Variants in CTNNA3 observed in about 807,000 individuals in gnomAD.
CTNNA3 encodes catenin alpha 3, also known as catenin alpha-3.
A neutral mutation model predicts 95.7 loss-of-function variants in CTNNA3; 76 were observed. The ratio of observed to expected loss-of-function variants is 0.79; its 90% confidence interval spans 0.66 to 0.96. The LOEUF (loss-of-function observed/expected upper bound fraction) is 0.96, where lower values mean the gene tolerates loss of function less well. CTNNA3 is among the 40% of genes least tolerant of loss of function. The pLI is 0.00. For missense variants in CTNNA3, 1,191 were observed against 1,089.8 expected, an observed-to-expected ratio of 1.09 and a Z score of -1.31; for synonymous variants, 431 against 374.4, an observed-to-expected ratio of 1.15 and a Z score of -1.74.
At chr10:66,441,739 T>C (rs909199586) in intron 11 of CTNNA3, among the ~76,000 whole-genome samples, 5 of 152,370 alleles carry the variant, frequency 3.3e-5, no homozygotes, top group Admixed American at 2.6e-4. Context: ...GTGCAAATGT[T>C]CAATATACAT....
In CTNNA3 at chr10:67,568,462, T is replaced by A. The variant is rs537965578; in HGVS notation, c.293-28793A>T. 5.4e-5 allele frequency among the ~76,000 whole-genome samples: 7 copies of A among 129,594 alleles called. No individual in the cohort carries two copies. In the South Asian group the frequency reaches 8.0e-4, roughly 15 times the overall value. 85.0% of individuals were successfully genotyped at this position (129,594 alleles called of 152,430 possible). A position where few individuals can be genotyped will look rare whatever the true frequency, so the allele number is the denominator to read the frequency against. ...TTCTCCCTGATTGTTCCAGTATATA[T>A]ATATGTGTGTGTGTGTGTGTGTATA... is the stretch of plus-strand genomic sequence containing the variant. On this transcript the variant is annotated intron_variant, in intron 3 of 17. Coordinates refer to ENST00000433211, the MANE Select transcript of CTNNA3 (RefSeq NM_013266.4).
chr10:67,089,744 T>TGC (rs1360338830), intron 7 of CTNNA3, among the ~76,000 whole-genome samples: 79 of 151,250 alleles, frequency 5.2e-4, no homozygotes, highest in African/African-American at 1.9e-3. Flanking sequence ...TGTGTGTGTG[T>TGC]GTGTGTGTGG....
At chr10:65,968,894 C>T (rs776744461) in intron 16 of CTNNA3, among the ~76,000 whole-genome samples, 1 of 152,184 alleles carries the variant, frequency 6.6e-6, no homozygotes, top group African/African-American at 2.4e-5. Context: ...GGTGCTCATG[C>T]CTGCCCTTAG....
chr10:66,894,610 G>T (rs866704784), intron 7 of CTNNA3, among the ~76,000 whole-genome samples: 127 of 152,058 alleles, frequency 8.4e-4, no homozygotes, highest in African/African-American at 2.9e-3. Context: ...AAACATTTTA[G>T]TATAGGAGTC....
In CTNNA3 at chr10:66,072,829, T is replaced by C. The variant is rs189436866; in HGVS notation, c.1978-3340A>G. On this transcript the variant is annotated intron_variant, in intron 14 of 17. Coordinates refer to ENST00000433211, the MANE Select transcript of CTNNA3 (RefSeq NM_013266.4). ...TTCATTATCTTCTCCCTTAGCACACTCATCTACTTTCTTTTCTTTTTTACA... is the reference window on the plus strand; with the variant it reads ...TTCATTATCTTCTCCCTTAGCACACCCATCTACTTTCTTTTCTTTTTTACA... 1.1e-3 allele frequency among the ~76,000 whole-genome samples: 162 copies of C among 152,272 alleles called. 1 individual carries two copies. Among genetic ancestry groups the C allele is most frequent in the African/African-American group, 3.8e-3 (157 of 41,556 alleles).
intron 15 of CTNNA3, among the ~76,000 whole-genome samples, chr10:66,060,988 T>C (rs1468901995): frequency 6.6e-6 from 1 of 152,110 alleles, no homozygotes; most frequent in Admixed American, 6.6e-5. Context: ...AAATACTTGC[T>C]TTCCTCTAGA....
chr10:66,190,332 G>T (rs951564529), intron 13 of CTNNA3, among the ~76,000 whole-genome samples: 1 of 152,098 alleles, frequency 6.6e-6, no homozygotes. Flanking sequence ...TCTTCATCCA[G>T]GGGAACAGTA....
intron 12 of CTNNA3, among the ~76,000 whole-genome samples, chr10:66,365,461 A>G (rs2092704745): frequency 1.3e-5 from 2 of 152,102 alleles, no homozygotes; most frequent in Admixed American, 1.3e-4. Context: ...AGTGCAGCAA[A>G]CCACCAGGGC....
chr10:66,568,872 G>A lies in CTNNA3; in HGVS notation c.1375-48099C>T, dbSNP rs577557820. On this transcript the variant is annotated intron_variant, in intron 10 of 17. Transcript: ENST00000433211. ...GACAAAGGAAACCAACCTGGGAAGC[G>A]AAGTCTGCCAGGGCTGGCAGCAGAG... 4.6e-5 allele frequency among the ~76,000 whole-genome samples: 7 copies of A among 152,036 alleles called. No individual in the cohort carries two copies. In the South Asian group the frequency reaches 1.0e-3, roughly 23 times the overall value.
intron 3 of CTNNA3, among the ~76,000 whole-genome samples, chr10:67,586,432 T>C (rs1328828066): frequency 1.3e-5 from 2 of 152,192 alleles, no homozygotes. Context: ...AATATTACCA[T>C]ATTGCTGTCT....
intron 5 of CTNNA3, among the ~76,000 whole-genome samples, chr10:67,231,122 C>G (rs12247877): frequency 0.32 from 48,921 of 152,156 alleles, 11,456 homozygotes; most frequent in African/African-American, 0.66. Context: ...TTGCCCAGGC[C>G]TGCTTAGGTA....
chr10:66,110,173 C>T (rs1474313804), intron 13 of CTNNA3, among the ~76,000 whole-genome samples: 2 of 151,682 alleles, frequency 1.3e-5, no homozygotes, highest in Non-Finnish European at 2.9e-5. Context: ...CCAGCCTGGC[C>T]AACATGGTGA....
intron 7 of CTNNA3, among the ~76,000 whole-genome samples, chr10:66,904,024 A>G (rs1845874714): frequency 6.6e-6 from 1 of 152,326 alleles, no homozygotes; most frequent in South Asian, 2.1e-4. Flanking sequence ...ATTGGAAAAA[A>G]CTACTGTAAA....
At chr10:67,335,276 C>A (rs1841955907) in intron 5 of CTNNA3, among the ~76,000 whole-genome samples, 1 of 152,174 alleles carries the variant, frequency 6.6e-6, no homozygotes, top group South Asian at 2.1e-4. Context: ...CTGTCAAGGG[C>A]TGGTTCCTGC....
At chr10:66,932,745 C>A (rs1274261939) in intron 7 of CTNNA3, among the ~76,000 whole-genome samples, 2 of 152,104 alleles carry the variant, frequency 1.3e-5, no homozygotes, top group Non-Finnish European at 2.9e-5. Flanking sequence ...CTTTCCTAAT[C>A]ATAATAGCCT....
At chr10:66,748,903 T>C (rs1839000395) in intron 9 of CTNNA3, among the ~76,000 whole-genome samples, 1 of 151,860 alleles carries the variant, frequency 6.6e-6, no homozygotes, top group Non-Finnish European at 1.5e-5. Flanking sequence ...TTGGGCACGG[T>C]GGCTCACACC....
At chr10:67,756,813 C>T (rs1422243518) in intron 1 of CTNNA3, among the ~76,000 whole-genome samples, 1 of 152,020 alleles carries the variant, frequency 6.6e-6, no homozygotes, top group Non-Finnish European at 1.5e-5. Context: ...GAATCATACA[C>T]TTGAATGGTT....
chr10:66,232,338 A>C (rs950987643), intron 13 of CTNNA3, among the ~76,000 whole-genome samples: 3 of 152,212 alleles, frequency 2.0e-5, no homozygotes, highest in Admixed American at 6.5e-5. Context: ...TAAGTTAATC[A>C]ACAGAGTCAA....
rs569694429 is a variant in CTNNA3 at position 66,154,719 on chromosome 10, C to CATATATATAT, written c.1885-51480_1885-51471dup. On this transcript the variant is annotated intron_variant, in intron 13 of 17. Coordinates refer to ENST00000433211, the MANE Select transcript of CTNNA3 (RefSeq NM_013266.4). Reference sequence around the variant, plus strand: ...TCTCTCTCTACTTTTTGAAAAAGTTCATATATATATATATATATATATTTC... The same window carrying CATATATATAT: ...TCTCTCTCTACTTTTTGAAAAAGTTCATATATATATATATATATATATATATATATATTTC... Among the ~76,000 whole-genome samples the CATATATATAT allele has an allele frequency of 6.7e-3, 502 of 74,800 alleles. 27 individuals carry two copies. Among genetic ancestry groups the CATATATATAT allele is most frequent in the Middle Eastern group, 0.028 (3 of 106 alleles). The allele number at this position is 74,800 out of a possible 152,430, so 49.1% of individuals were successfully genotyped here.
Sources: allele counts gnomAD v4.1 joint callset (sites outside exome capture counted in the v4.1 genomes callset), GRCh38; gene constraint gnomAD v4.1.1; transcripts MANE v1.5; gene names NCBI Gene and HGNC (gene_info 2026-07-23, HGNC 2026-07-21).